GRIA2: variants seen among roughly 807,000 people sequenced by gnomAD.
GRIA2 encodes glutamate receptor 2.
A neutral mutation model predicts 97.3 loss-of-function variants in GRIA2; 14 were observed. The observed-to-expected ratio is 0.14, with a 90% CI of 0.10 to 0.23. GRIA2 has a LOEUF of 0.23. GRIA2 is among the 10% of genes least tolerant of loss of function. The pLI is 1.00. For missense variants in GRIA2, 558 were observed against 1,069.8 expected (o/e 0.52, Z 6.67); for synonymous variants, 412 against 387.8 (o/e 1.06, Z -0.73).
intron 11 of GRIA2, among the ~76,000 whole-genome samples, chr4:157,338,025 T>TATATATATATATATAC (rs1735375052): frequency 1.7e-4 from 2 of 12,046 alleles, no homozygotes; most frequent in African/African-American, 2.7e-4. Context: ...TATATATATA[T>TATATATATATATATAC]ATATATATAT....
chr4:157,323,073 C>G (rs1193909645), intron 6 of GRIA2, among the ~76,000 whole-genome samples: 1 of 151,974 alleles, frequency 6.6e-6, no homozygotes, highest in Non-Finnish European at 1.5e-5. Flanking sequence ...CAGTGGCTCA[C>G]GCCTGTAATC....
At chr4:157,324,166 A>G (rs2126912601) in intron 6 of GRIA2, among the ~76,000 whole-genome samples, 1 of 152,242 alleles carries the variant, frequency 6.6e-6, no homozygotes, top group Non-Finnish European at 1.5e-5. Context: ...AATTTCAGCC[A>G]ATTTCCAAGG....
chr4:157,303,615 A>G lies in GRIA2; in HGVS notation c.293A>G (p.Asn98Ser), dbSNP rs373445044. 4.2e-5 allele frequency: 68 copies of G among 1,613,970 alleles called. No homozygotes were observed. The highest frequency in any genetic ancestry group is 5.7e-5 in the Non-Finnish European group (67 of 1,179,888). ...IFGFYDKKSV[N>S]TITSFCGTLH... ...GGATTTTATGACAAGAAGTCTGTAA[A>G]TACCATCACATCATTTTGCGGAACA... is the stretch of plus-strand genomic sequence containing the variant. Residue 98 changes from asparagine (N) to serine (S), a missense_variant, in exon 3 of 16, where the codon AAT becomes AGT. By Grantham distance (46) the Asn-to-Ser change is conservative. This residue lies in a region of GRIA2 where 96 missense variants were observed against 176.6 expected (regional missense o/e 0.54). Transcript: ENST00000264426.
intron 4 of GRIA2, 31 bp from the exon 5 acceptor site, chr4:157,317,623 TATTA>T: frequency 1.3e-6 from 1 of 786,416 alleles, no homozygotes. Flanking sequence ...GCATTATTTG[TATTA>T]ATTAAATAAT....
chr4:157,257,793 T>C (rs1731345368), intron 2 of GRIA2, among the ~76,000 whole-genome samples: 2 of 152,110 alleles, frequency 1.3e-5, no homozygotes. Context: ...CTGATTCTTT[T>C]AAAAAATGTT....
intron 2 of GRIA2, among the ~76,000 whole-genome samples, chr4:157,262,922 G>A (rs1731611000): frequency 6.6e-6 from 1 of 151,962 alleles, no homozygotes; most frequent in African/African-American, 2.4e-5. Flanking sequence ...ACAAGAAAAA[G>A]CAACACAAAA....
chr4:157,237,287 A>G (rs1247386466), intron 2 of GRIA2, among the ~76,000 whole-genome samples: 1 of 138,834 alleles, frequency 7.2e-6, no homozygotes, highest in Admixed American at 7.1e-5. Context: ...TGAAATGTAT[A>G]AGTTTTTTTT....
chr4:157,307,762 T>C (rs979873139), intron 3 of GRIA2, among the ~76,000 whole-genome samples: 1 of 152,220 alleles, frequency 6.6e-6, no homozygotes, highest in African/African-American at 2.4e-5. Flanking sequence ...ATTAGCACTT[T>C]ATATCTGTAT....
chr4:157,310,330 T>A (rs2126881199), intron 3 of GRIA2, among the ~76,000 whole-genome samples: 1 of 152,294 alleles, frequency 6.6e-6, no homozygotes, highest in East Asian at 1.9e-4. Context: ...AGGAAACTAA[T>A]TTCATTTTGC....
At chr4:157,337,077 C>T (rs1326279516) in intron 11 of GRIA2, among the ~76,000 whole-genome samples, 1 of 151,970 alleles carries the variant, frequency 6.6e-6, no homozygotes, top group African/African-American at 2.4e-5. Flanking sequence ...GTGTGTTGAT[C>T]CACAGACCTG....
chr4:157,362,447 G>C, intron 14 of GRIA2: 1 of 467,022 alleles, frequency 2.1e-6, no homozygotes, highest in Non-Finnish European at 4.3e-6. Flanking sequence ...TTATTTATAG[G>C]ATGAAGAAAC....
chr4:157,235,941 AC>A (rs1429570931), intron 2 of GRIA2, among the ~76,000 whole-genome samples: 6 of 152,002 alleles, frequency 3.9e-5, no homozygotes, highest in African/African-American at 1.2e-4. Flanking sequence ...CAATGCATAT[AC>A]CTATTTTGAA....
intron 2 of GRIA2, among the ~76,000 whole-genome samples, chr4:157,225,635 T>TC (rs397796244): frequency 3.4e-4 from 51 of 148,882 alleles, no homozygotes; most frequent in South Asian, 2.5e-3. Context: ...TTTTTTTTTT[T>TC]CTAGCCTTTT....
intron 2 of GRIA2, among the ~76,000 whole-genome samples, chr4:157,265,190 G>A (rs9993365): frequency 0.36 from 53,932 of 151,878 alleles, 10,090 homozygotes; most frequent in African/African-American, 0.47. Flanking sequence ...TAACTCTGGT[G>A]AGCATTGGAA....
intron 2 of GRIA2, among the ~76,000 whole-genome samples, chr4:157,272,149 A>G (rs1732054992): frequency 6.6e-6 from 1 of 152,032 alleles, no homozygotes; most frequent in Non-Finnish European, 1.5e-5. Context: ...AACCCTATGA[A>G]GTAGGTAATG....
intron 12 of GRIA2, 27 bp from the exon 13 acceptor site, chr4:157,359,869 C>T: frequency 6.2e-7 from 1 of 1,602,530 alleles, no homozygotes; most frequent in Non-Finnish European, 8.5e-7. Context: ...TCTCTTAATG[C>T]TATCTGGCCC....
chr4:157,356,521 G>A (rs536492154), intron 12 of GRIA2, among the ~76,000 whole-genome samples: 20 of 152,066 alleles, frequency 1.3e-4, no homozygotes, highest in East Asian at 9.7e-4. Flanking sequence ...GCTTATGAGG[G>A]TGGTGATCAT....
intron 2 of GRIA2, among the ~76,000 whole-genome samples, chr4:157,280,064 G>T (rs926257962): frequency 6.6e-6 from 1 of 152,142 alleles, no homozygotes; most frequent in African/African-American, 2.4e-5. Flanking sequence ...GGCAGAGGTT[G>T]CCATAAGCCG....
intron 12 of GRIA2, among the ~76,000 whole-genome samples, chr4:157,347,016 T>C (rs1298299358): frequency 6.6e-6 from 1 of 152,182 alleles, no homozygotes; most frequent in East Asian, 1.9e-4. Context: ...CCATGATCTC[T>C]GATTTCAGCT....
Sources: gnomAD v4.1 joint callset for allele counts (sites outside exome capture counted in the v4.1 genomes callset) on GRCh38, gnomAD v4.1.1 for gene constraint, gnomAD v4.1.1 regional missense constraint, MANE v1.5 for transcripts, NCBI Gene and HGNC (gene_info 2026-07-23, HGNC 2026-07-21) for gene names.